The following RBFOX3 variants were observed in gnomAD, a reference collection of about 807,000 sequenced individuals.
The protein encoded by RBFOX3 is RNA binding fox-1 homolog 3, also known as RNA binding protein fox-1 homolog 3.
A neutral mutation model predicts 48.7 loss-of-function variants in RBFOX3; 17 were observed. The ratio of observed to expected loss-of-function variants is 0.35; its 90% CI spans 0.24 to 0.52. RBFOX3 has a LOEUF of 0.52. Ranked by LOEUF, RBFOX3 falls within the 20% of genes least tolerant of loss-of-function variation. RBFOX3 has a pLI of 0.94. For synonymous variants in RBFOX3, 212 were observed against 209.5 expected, an observed-to-expected ratio of 1.01 and a Z score of -0.10; for missense variants, 382 against 497.5, an observed-to-expected ratio of 0.77 and a Z score of 2.21.
At chr17:79,408,113 C>G (rs1420907550) in intron 2 of RBFOX3, among the ~76,000 whole-genome samples, 1 of 152,132 alleles carries the variant, frequency 6.6e-6, no homozygotes, top group Non-Finnish European at 1.5e-5. Context: ...GTTCTGTTTG[C>G]TGGTCTGTGA....
intron 2 of RBFOX3, among the ~76,000 whole-genome samples, chr17:79,350,392 C>T (rs2083686128): frequency 6.6e-6 from 1 of 152,226 alleles, no homozygotes; most frequent in South Asian, 2.1e-4. Flanking sequence ...TCTCCCTTCT[C>T]CTGGGGGGAC....
intron 4 of RBFOX3, among the ~76,000 whole-genome samples, chr17:79,133,727 G>A (rs1316414438): frequency 1.3e-5 from 2 of 152,218 alleles, no homozygotes; most frequent in Non-Finnish European, 2.9e-5. Flanking sequence ...CTACACCTGA[G>A]GGTGGACCAG....
intron 14 of RBFOX3, chr17:79,092,629 G>A (rs1045247610): frequency 1.3e-5 from 13 of 987,446 alleles, no homozygotes; most frequent in Middle Eastern, 2.8e-4. Context: ...TACCCTCCTC[G>A]GCAGAGGCTA....
chr17:79,096,054 A>G (rs947309325), intron 12 of RBFOX3, among the ~76,000 whole-genome samples: 13 of 152,220 alleles, frequency 8.5e-5, no homozygotes, highest in Non-Finnish European at 1.5e-5. Flanking sequence ...GGTAAAGGGC[A>G]CAAGAGGACG....
intron 2 of RBFOX3, among the ~76,000 whole-genome samples, chr17:79,449,400 T>C (rs2073025149): frequency 6.6e-6 from 1 of 151,620 alleles, no homozygotes; most frequent in African/African-American, 2.4e-5. Flanking sequence ...CGGGTCCCCC[T>C]CTCAACCTGC....
the RBFOX3 span, among the ~76,000 whole-genome samples, chr17:79,620,618 C>A: frequency 8.3e-6 from 1 of 120,176 alleles, no homozygotes; most frequent in Non-Finnish European, 1.7e-5. Context: ...CATGCACACA[C>A]GCACATGCAC....
chr17:79,471,693 G>C lies in RBFOX3; in HGVS notation c.-175+10761C>G, dbSNP rs1360120456. On this transcript the variant is annotated intron_variant, in intron 2 of 14. Transcript: ENST00000693108. This position sits in a 1 kb window ranked among gnomAD's most constrained non-coding sequence, Gnocchi z 4.0. ...GCTTTTTATAACAAGAAAGGACTCT[G>C]AACGTTGTCAGGTGAGTAGCACTGC... Among the ~76,000 whole-genome samples, 1 of 152,224 alleles carries C rather than the reference G, an allele frequency of 6.6e-6. No individual in the cohort carries two copies. The highest frequency in any genetic ancestry group is 6.5e-5 in the Admixed American group (1 of 15,284).
At chr17:79,475,127 G>A in intron 2 of RBFOX3, among the ~76,000 whole-genome samples, 1 of 152,138 alleles carries the variant, frequency 6.6e-6, no homozygotes, top group East Asian at 1.9e-4. Context: ...TTGTTCTCAA[G>A]TCCGATCTCA....
chr17:79,403,249 G>A (rs555693992), intron 2 of RBFOX3, among the ~76,000 whole-genome samples: 74 of 152,234 alleles, frequency 4.9e-4, no homozygotes, highest in Non-Finnish European at 8.7e-4. Flanking sequence ...CCTGCTGGTC[G>A]CCCTTTAGCT....
intron 2 of RBFOX3, among the ~76,000 whole-genome samples, chr17:79,419,624 G>A (rs782626730): frequency 5.3e-5 from 8 of 152,164 alleles, no homozygotes; most frequent in African/African-American, 1.7e-4. Context: ...ACCTCAGCAC[G>A]TTCACCTCTA....
rs746734112 is a variant in RBFOX3, at chr17:79,299,012, G to A, written c.-74+8712C>T. ...GCAAGGCTGGGAGGCGGGAGGGCGC[G>A]AGTCTGTAACTGGAGAGGTTTGTTT... On this transcript the variant is annotated intron_variant, in intron 3 of 14. Transcript: ENST00000693108. The surrounding 1 kb of genome is among the most constrained non-coding windows in gnomAD (Gnocchi z 4.5). Among the ~76,000 whole-genome samples, 2 of 152,206 alleles carry A rather than the reference G, an allele frequency of 1.3e-5. No homozygotes were observed. The highest frequency in any genetic ancestry group is 2.1e-4 in the South Asian group (1 of 4,832).
the RBFOX3 span, among the ~76,000 whole-genome samples, chr17:79,618,928 T>A: frequency 6.6e-6 from 1 of 152,112 alleles, no homozygotes; most frequent in Admixed American, 6.5e-5. Flanking sequence ...GAAATGGAAC[T>A]GGGAGATCAC....
chr17:79,618,073 C>T, the RBFOX3 span, among the ~76,000 whole-genome samples: 3 of 152,222 alleles, frequency 2.0e-5, no homozygotes, highest in African/African-American at 7.2e-5. Flanking sequence ...GTCTCTCCTC[C>T]CACGTGGATG....
chr17:79,262,307 AGGGGCTGT>A (rs1257599784), intron 3 of RBFOX3, among the ~76,000 whole-genome samples: 1 of 152,206 alleles, frequency 6.6e-6, no homozygotes, highest in Non-Finnish European at 1.5e-5. Context: ...GGCCCCGGAC[AGGGGCTGT>A]GGGTAGGAAA....
chr17:79,389,708 T>C (rs1158393763), intron 2 of RBFOX3, among the ~76,000 whole-genome samples: 1 of 152,178 alleles, frequency 6.6e-6, no homozygotes, highest in Non-Finnish European at 1.5e-5. Context: ...TCTTGTACGT[T>C]CCTGGGGAAT....
intron 2 of RBFOX3, among the ~76,000 whole-genome samples, chr17:79,318,367 A>G (rs1405297070): frequency 6.6e-6 from 1 of 152,130 alleles, no homozygotes; most frequent in East Asian, 1.9e-4. Context: ...GGAGCTGGGG[A>G]GGTCTGGGAA....
In RBFOX3 at chr17:79,335,764, G is replaced by A. The variant is rs534253065; in HGVS notation, c.-174-27940C>T. 3.9e-5 allele frequency among the ~76,000 whole-genome samples: 6 copies of A among 152,162 alleles called. No homozygotes were observed. In the South Asian group the frequency reaches 8.3e-4, roughly 21 times the overall value. ...GCCCCTCCAGGCCCCACTTGCTCCC[G>A]TCCTCTCGTCCTCCACATCTCAGAT... On this transcript the variant is annotated intron_variant, in intron 2 of 14. Transcript: ENST00000693108.
In RBFOX3 at chr17:79,481,537, C is replaced by G. The variant is rs565018121; in HGVS notation, c.-175+917G>C. ...ACTCACAGGGACCCGTAGGAAGCTT[C>G]AAGTGTGAGGCTGGCCGTGCACGTG... On this transcript the variant is annotated intron_variant, in intron 2 of 14. Transcript: ENST00000693108. This position sits in a 1 kb window ranked among gnomAD's most constrained non-coding sequence, Gnocchi z 5.4. Among the ~76,000 whole-genome samples, 1,387 of 152,208 alleles carry G rather than the reference C, an allele frequency of 9.1e-3. 18 individuals are homozygous for G. The highest frequency in any genetic ancestry group is 0.017 in the Middle Eastern group (5 of 290).
chr17:79,256,008 G>T (rs1374627005), intron 3 of RBFOX3, among the ~76,000 whole-genome samples: 3 of 151,702 alleles, frequency 2.0e-5, no homozygotes, highest in Non-Finnish European at 4.4e-5. Flanking sequence ...AAAATGCCTG[G>T]TCATAGTCCT....
Sources: gnomAD v4.1 joint callset for allele counts (sites outside exome capture counted in the v4.1 genomes callset) on GRCh38, gnomAD v4.1.1 for gene constraint, Gnocchi (gnomAD v3.1) non-coding constraint, MANE v1.5 for transcripts, NCBI Gene and HGNC (gene_info 2026-07-23, HGNC 2026-07-21) for gene names.